Variants in TNFAIP8 observed in about 807,000 individuals in gnomAD.
The protein encoded by TNFAIP8 is tumor necrosis factor alpha-induced protein 8.
A neutral mutation model predicts 13.3 loss-of-function variants in TNFAIP8; 7 were observed. That is an observed-to-expected ratio of 0.52 (90% confidence interval 0.30 to 0.99). The LOEUF (loss-of-function observed/expected upper bound fraction) is 0.99, where lower values mean the gene tolerates loss of function less well. TNFAIP8 is among the 50% of genes least tolerant of loss of function. The pLI is 0.07. For synonymous variants in TNFAIP8, 94 were observed against 87.6 expected, an observed-to-expected ratio of 1.07 and a Z score of -0.41; for missense variants, 258 against 236.9, an observed-to-expected ratio of 1.09 and a Z score of -0.58.
chr5:119,358,973 C>T (rs1751537693), intron 1 of TNFAIP8, among the ~76,000 whole-genome samples: 1 of 152,150 alleles, frequency 6.6e-6, no homozygotes, highest in Non-Finnish European at 1.5e-5. Flanking sequence ...CCCACCACCA[C>T]CTCACCCAGT....
rs200841309 is a variant in TNFAIP8 at position 119,398,680 on chromosome 5, C to CA, written c.*5312dup. The CA allele has an allele frequency of 0.011, 1,173 of 106,996 alleles. 14 individuals carry two copies. The highest frequency in any genetic ancestry group is 0.078 in the South Asian group (239 of 3,078). 6.6% of individuals were successfully genotyped at this position (106,996 alleles called of 1,614,324 possible). On this transcript the variant is annotated 3_prime_UTR_variant, in exon 2 of 2. Coordinates refer to ENST00000504771, the MANE Select transcript of TNFAIP8 (RefSeq NM_014350.4). ...GGGCAACAAGAGTGAGACTTTGTCTCAAAAAAAAAAAAAGAAACTCTGTCT... is the reference window on the plus strand; with the variant it reads ...GGGCAACAAGAGTGAGACTTTGTCTCAAAAAAAAAAAAAAGAAACTCTGTCT...
At chr5:119,366,642 G>A (rs1751867839) in intron 1 of TNFAIP8, among the ~76,000 whole-genome samples, 1 of 152,210 alleles carries the variant, frequency 6.6e-6, no homozygotes, top group Non-Finnish European at 1.5e-5. Flanking sequence ...GAGGGCCAGT[G>A]GTGAGTGGTT....
chr5:119,350,929 C>T (rs1349478924), intron 1 of TNFAIP8, among the ~76,000 whole-genome samples: 1 of 148,148 alleles, frequency 6.8e-6, no homozygotes, highest in Admixed American at 6.7e-5. Context: ...CCCTGACTTA[C>T]AATTTTTTAA....
At chr5:119,382,131 A>G (rs1752510301) in intron 1 of TNFAIP8, among the ~76,000 whole-genome samples, 1 of 152,198 alleles carries the variant, frequency 6.6e-6, no homozygotes, top group Admixed American at 6.5e-5. Context: ...GCTCTGAAAT[A>G]CAATCATATT....
chr5:119,279,088 AGTGCTTTAT>A (rs1748552306), intron 1 of TNFAIP8, among the ~76,000 whole-genome samples: 2 of 152,214 alleles, frequency 1.3e-5, no homozygotes, highest in African/African-American at 4.8e-5. Context: ...CACTGTGCTG[AGTGCTTTAT>A]ACACATTATT....
intron 1 of TNFAIP8, among the ~76,000 whole-genome samples, chr5:119,313,895 A>G (rs1749805982): frequency 6.6e-6 from 1 of 152,244 alleles, no homozygotes; most frequent in African/African-American, 2.4e-5. Flanking sequence ...TTATTCAGCA[A>G]ATATTAAAGT....
intron 1 of TNFAIP8, among the ~76,000 whole-genome samples, chr5:119,304,487 T>A (rs528448116): frequency 1.3e-5 from 2 of 152,204 alleles, no homozygotes; most frequent in Non-Finnish European, 2.9e-5. Context: ...TAATGGTCCC[T>A]CAGTGACCCA....
intron 1 of TNFAIP8, among the ~76,000 whole-genome samples, chr5:119,385,265 T>A (rs2112849448): frequency 6.6e-6 from 1 of 152,358 alleles, no homozygotes; most frequent in East Asian, 1.9e-4. Context: ...GCCTTTTGTT[T>A]CCATCCATGC....
At chr5:119,333,619 A>G (rs759314197) in intron 1 of TNFAIP8, 8 of 1,535,402 alleles carry the variant, frequency 5.2e-6, no homozygotes, top group Non-Finnish European at 8.7e-7. Context: ...CGGGGAGAAA[A>G]TGCTGAAACT....
intron 1 of TNFAIP8, among the ~76,000 whole-genome samples, chr5:119,309,088 A>G (rs1273137981): frequency 2.0e-5 from 3 of 152,206 alleles, no homozygotes; most frequent in Admixed American, 1.3e-4. Context: ...TTTTTGTGAA[A>G]TACAAAGATC....
intron 1 of TNFAIP8, chr5:119,333,110 T>C: frequency 1.2e-6 from 1 of 853,670 alleles, no homozygotes; most frequent in Non-Finnish European, 1.4e-6. Flanking sequence ...TTAGTTTTTT[T>C]TTTTTTCTAA....
chr5:119,323,341 TG>T (rs1176494733), intron 1 of TNFAIP8, among the ~76,000 whole-genome samples: 3 of 152,198 alleles, frequency 2.0e-5, no homozygotes, highest in African/African-American at 7.2e-5. Flanking sequence ...CTGCATTTCT[TG>T]GAGTTTCTCG....
chr5:119,355,944 C>G, upstream of TNFAIP8: 2 of 1,442,902 alleles, frequency 1.4e-6, no homozygotes, highest in Non-Finnish European at 1.9e-6. Context: ...CACCAGAACC[C>G]GCTCTCCCGC....
chr5:119,375,260 C>T (rs1752237832), intron 1 of TNFAIP8, among the ~76,000 whole-genome samples: 1 of 152,170 alleles, frequency 6.6e-6, no homozygotes, highest in Non-Finnish European at 1.5e-5. Context: ...CTCTAGGCCT[C>T]TGTTTTTCTT....
intron 1 of TNFAIP8, among the ~76,000 whole-genome samples, chr5:119,308,935 T>G (rs371255284): frequency 1.1e-4 from 17 of 152,278 alleles, no homozygotes; most frequent in East Asian, 9.6e-4. Flanking sequence ...TTGCTCCATT[T>G]GACTCATGCT....
chr5:119,368,756 AT>A (rs1389137606), intron 1 of TNFAIP8, among the ~76,000 whole-genome samples: 1 of 152,144 alleles, frequency 6.6e-6, no homozygotes, highest in East Asian at 1.9e-4. Context: ...ACTAAATTTC[AT>A]TTGCCAAACT....
intron 1 of TNFAIP8, among the ~76,000 whole-genome samples, chr5:119,317,102 AAGT>A (rs1289133671): frequency 6.6e-6 from 1 of 152,170 alleles, no homozygotes; most frequent in East Asian, 1.9e-4. Flanking sequence ...AATAAAAAGG[AAGT>A]AGTTTTGCCT....
intron 1 of TNFAIP8, among the ~76,000 whole-genome samples, chr5:119,369,052 T>C (rs1228049185): frequency 4.2e-5 from 6 of 142,482 alleles, no homozygotes; most frequent in Non-Finnish European, 7.4e-5. Context: ...TTTCTTTTCT[T>C]TTCTTTTTTT....
intron 1 of TNFAIP8, among the ~76,000 whole-genome samples, chr5:119,298,980 G>A (rs976760114): frequency 2.0e-5 from 3 of 152,184 alleles, no homozygotes; most frequent in South Asian, 4.2e-4. Flanking sequence ...GCACTTCTCT[G>A]TATTGGTTAT....
Sources: allele counts gnomAD v4.1 joint callset (sites outside exome capture counted in the v4.1 genomes callset), GRCh38; gene constraint gnomAD v4.1.1; transcripts MANE v1.5; gene names NCBI Gene and HGNC (gene_info 2026-07-23, HGNC 2026-07-21).